The following MUC4 variants were observed in gnomAD, a reference collection of about 807,000 sequenced individuals.
MUC4 encodes the protein mucin 4, cell surface associated, also known as mucin-4.
A neutral mutation model predicts 257.9 loss-of-function variants in MUC4; 202 were observed. That is an observed-to-expected ratio of 0.78 (90% CI 0.70 to 0.88). The LOEUF (loss-of-function observed/expected upper bound fraction) is 0.88, where lower values mean the gene tolerates loss of function less well. Ranked by LOEUF, MUC4 falls within the 40% of genes least tolerant of loss-of-function variation. The probability of loss-of-function intolerance (pLI) is 0.00; values close to 1 mark genes in which losing one functional copy is unlikely to be tolerated. For missense variants in MUC4, 5,976 were observed against 6,513.7 expected (o/e 0.92, Z 2.84); for synonymous variants, 2,351 against 2,757.1 (o/e 0.85, Z 4.62).
At chr3:195,766,842 G>A (rs928170125) in intron 7 of MUC4, 91 bp from the exon 8 acceptor site, 32 of 1,186,338 alleles carry the variant, frequency 2.7e-5, no homozygotes, top group Non-Finnish European at 3.8e-5. Flanking sequence ...TAGCCGGTCA[G>A]CAGCTGGTCA....
At chr3:195,758,290 G>A (rs888782872) in intron 17 of MUC4, among the ~76,000 whole-genome samples, 1 of 152,130 alleles carries the variant, frequency 6.6e-6, no homozygotes, top group Non-Finnish European at 1.5e-5. Context: ...CGGAGAGGGA[G>A]CGATGGCACT....
At chr3:195,768,050 C>A in intron 7 of MUC4, among the ~76,000 whole-genome samples, 1 of 152,060 alleles carries the variant, frequency 6.6e-6, no homozygotes, top group Non-Finnish European at 1.5e-5. Context: ...TGCAGCCCCA[C>A]CCTGGGTGCC....
In MUC4 at chr3:195,751,510, A is replaced by G. The variant is rs1716437122; in HGVS notation, c.15583-239T>C. The G allele has an allele frequency of 5.1e-6, 3 of 591,494 alleles. 1 individual carries two copies. Among genetic ancestry groups the G allele is most frequent in the African/African-American group, 1.9e-5 (1 of 53,644 alleles). The allele number at this position is 591,494 out of a possible 1,614,324, so 36.6% of individuals were successfully genotyped here. A position where few individuals can be genotyped will look rare whatever the true frequency, so the allele number is the denominator to read the frequency against. On this transcript the variant is annotated intron_variant, in intron 21 of 24. Transcript: ENST00000463781. ...GGGTTTTCCATTCTGTCCCCCCCTC[A>G]GCCTCATATGACGAGCAGAGAATCT...
chr3:195,769,119 C>T lies in MUC4; in HGVS notation c.13432G>A (p.Gly4478Arg), dbSNP rs145228648. The change falls in exon 7 of 25, where the codon GGG (glycine) becomes AGG (arginine). Residue 4478 changes from glycine (G) to arginine (R), a missense_variant. Physicochemically the swap from Gly to Arg is moderately radical, Grantham distance 125. Coordinates refer to ENST00000463781, the MANE Select transcript of MUC4 (RefSeq NM_018406.7). ...NTYQAILSTD[G>R]SRSYALFLYQ... ...AGAAACAGGGCATAGGACCTGCTCC[C>T]GTCCGTGGAGAGGATGGCTTGGTAG... The T allele has an allele frequency of 8.0e-5, 129 of 1,614,002 alleles. No individual in the cohort carries two copies. Among genetic ancestry groups the T allele is most frequent in the Non-Finnish European group, 8.6e-5 (101 of 1,180,022 alleles).
rs753344966 is a variant in MUC4 at position 195,784,762 on chromosome 3, A to T, written c.6818T>A (p.Leu2273His). 2.5e-5 allele frequency: 36 copies of T among 1,449,534 alleles called. No homozygotes were observed. Among genetic ancestry groups the T allele is most frequent in the Non-Finnish European group, 2.7e-5 (29 of 1,079,186 alleles). The allele number at this position is 1,449,534 out of a possible 1,614,324, so 89.8% of individuals were successfully genotyped here. ...TACTGAGGAAAGGCTGGTGACAGGA[A>T]GAGAGGTGGCGTGACCTGTGGACAC... ...SSVSTGHATSLPVTSLSSVST... is the reference protein window; with the variant it reads ...SSVSTGHATSHPVTSLSSVST... Residue 2273 changes from leucine to histidine, a missense_variant, in exon 2 of 25, where the codon CTT becomes CAT. By Grantham distance (99) the Leu-to-His change is moderately conservative. Transcript: ENST00000463781.
chr3:195,792,809 G>A lies in MUC4; in HGVS notation c.83-1312C>T, dbSNP rs146684477. 3.3e-5 allele frequency among the ~76,000 whole-genome samples: 5 copies of A among 152,286 alleles called. 1 individual carries two copies. The East Asian group carries it at 9.6e-4, about 29-fold the overall frequency. ...CGGAATACTATGCAGCCATGAAAAA[G>A]GAATGGGATCACGTCCTTTGCAGGT... On this transcript the variant is annotated intron_variant, in intron 1 of 24. Coordinates refer to ENST00000463781, the MANE Select transcript of MUC4 (RefSeq NM_018406.7).
At chr3:195,778,593 T>A in intron 2 of MUC4, 138 bp from the exon 3 acceptor site, 1 of 1,312,440 alleles carries the variant, frequency 7.6e-7, no homozygotes, top group Non-Finnish European at 1.0e-6. Flanking sequence ...CAAACTACTC[T>A]CGACATCAGT....
intron 1 of MUC4, among the ~76,000 whole-genome samples, chr3:195,806,992 A>G (rs1736066675): frequency 1.3e-5 from 2 of 152,264 alleles, no homozygotes; most frequent in Non-Finnish European, 2.9e-5. Context: ...ATCTCTACAG[A>G]GAGTCGATGT....
In MUC4 at chr3:195,789,452, T is replaced by C; in HGVS notation, c.2128A>G (p.Thr710Ala). 1 of 1,613,932 alleles carries C rather than the reference T, an allele frequency of 6.2e-7. No individual in the cohort carries two copies. The highest frequency in any genetic ancestry group is 8.5e-7 in the Non-Finnish European group (1 of 1,179,868). Reference protein sequence around the residue: ...TGDGHTTQAPTTALQAAPSSH... With the variant: ...TGDGHTTQAPATALQAAPSSH... ...CTGGGTGCTGCCTGCAGTGCTGTGGTCGGGGCCTGGGTTGTGTGACCATCC... is the reference window on the plus strand; with the variant it reads ...CTGGGTGCTGCCTGCAGTGCTGTGGCCGGGGCCTGGGTTGTGTGACCATCC... The change falls in exon 2 of 25, where the codon ACC becomes GCC. Residue 710 changes from threonine (T) to alanine (A), a missense_variant. Coordinates refer to ENST00000463781, the MANE Select transcript of MUC4 (RefSeq NM_018406.7).
At chr3:195,775,574 C>G (rs1448127697) in intron 3 of MUC4, among the ~76,000 whole-genome samples, 8 of 76,206 alleles carry the variant, frequency 1.0e-4, no homozygotes, top group Admixed American at 2.3e-4. Context: ...ACCTTCCACA[C>G]CCATACCTTC....
chr3:195,793,361 G>A (rs1734114352), intron 1 of MUC4, among the ~76,000 whole-genome samples: 1 of 151,930 alleles, frequency 6.6e-6, no homozygotes, highest in African/African-American at 2.4e-5. Flanking sequence ...AAATAGCTGG[G>A]CGTGGTGGTG....
intron 3 of MUC4, among the ~76,000 whole-genome samples, chr3:195,775,263 C>G (rs960798112): frequency 6.6e-5 from 10 of 152,070 alleles, no homozygotes; most frequent in African/African-American, 2.2e-4. Flanking sequence ...ACAGGATTCC[C>G]CGCATGCCGG....
rs1177813163 is a variant in MUC4, at chr3:195,770,070, AGTGGGGGGGTGGCG to A, written c.13398+132_13398+145del. The A allele has an allele frequency of 8.7e-6, 6 of 692,164 alleles. No homozygotes were observed. The African/African-American group carries it at 2.0e-4, about 23-fold the overall frequency. The allele number at this position is 692,164 out of a possible 1,614,324, so 42.9% of individuals were successfully genotyped here. ...TGAGTGCTCAGCCAACAGTGGTGGC[AGTGGGGGGGTGGCG>A]GTGGGGGGGCTTGCTATAATTAGCA... is the stretch of plus-strand genomic sequence containing the variant. On this transcript the variant is annotated intron_variant, in intron 6 of 24. Transcript: ENST00000463781.
intron 3 of MUC4, among the ~76,000 whole-genome samples, chr3:195,775,170 T>C (rs1310261249): frequency 1.3e-5 from 2 of 152,194 alleles, no homozygotes; most frequent in African/African-American, 4.8e-5. Flanking sequence ...CCTCACTGCC[T>C]GCAAATCGGA....
Position 195,783,823 on chromosome 3 carries a change from G to T in MUC4, c.7757C>A (p.Ser2586Tyr), listed in dbSNP as rs1262384173. The change falls in exon 2 of 25, where the codon TCC becomes TAC. Residue 2586 changes from serine to tyrosine, a missense_variant. Ser to Tyr is a moderately radical substitution (Grantham distance 144). This residue lies in a region of MUC4 where 135 missense variants were observed against 114.7 expected (regional missense o/e 1.18). Transcript: ENST00000463781. ...AGGAAGAGGGGTGGTGTCACCTGTG[G>T]ATGCTGAGGAAGTGCTGGTGACAGG... ...PLPVTSTSSA[S>Y]TGDTTPLPVT... 6.8e-7 allele frequency: 1 copy of T among 1,478,478 alleles called. No individual in the cohort carries two copies. The allele number at this position is 1,478,478 out of a possible 1,614,324, so 91.6% of individuals were successfully genotyped here.
intron 7 of MUC4, among the ~76,000 whole-genome samples, chr3:195,767,519 C>CCACCACCATCGCCACCACCATCAT: frequency 8.0e-6 from 1 of 125,362 alleles, no homozygotes; most frequent in Non-Finnish European, 1.7e-5. Context: ...ATCACCATCA[C>CCACCACCATCGCCACCACCATCAT]CACCACCATC....
At chr3:195,748,222 T>G (rs181670819) in intron 24 of MUC4, among the ~76,000 whole-genome samples, 441 of 152,282 alleles carry the variant, frequency 2.9e-3, no homozygotes, top group African/African-American at 0.01. Flanking sequence ...GCAGGTTCTT[T>G]TCCCACAAGG....
At chr3:195,775,288 A>C (rs1724131004) in intron 3 of MUC4, among the ~76,000 whole-genome samples, 3 of 150,164 alleles carry the variant, frequency 2.0e-5, no homozygotes, top group African/African-American at 7.4e-5. Context: ...ACTTTTTGCT[A>C]CCCTTCTTCT....
chr3:195,804,398 G>C (rs1257827570), intron 1 of MUC4, among the ~76,000 whole-genome samples: 1 of 152,328 alleles, frequency 6.6e-6, no homozygotes, highest in Admixed American at 6.5e-5. Flanking sequence ...CTGTTGGCTC[G>C]GGAGAAGGAG....
Sources: allele counts gnomAD v4.1 joint callset (sites outside exome capture counted in the v4.1 genomes callset), GRCh38; gene constraint gnomAD v4.1.1; regional missense constraint gnomAD v4.1.1; transcripts MANE v1.5; gene names NCBI Gene and HGNC (gene_info 2026-07-23, HGNC 2026-07-21).